The following CEMIP variants were observed in gnomAD, a reference collection of about 807,000 sequenced individuals.
CEMIP encodes cell migration-inducing and hyaluronan-binding protein.
Under a neutral mutation model 156.9 loss-of-function variants are expected in CEMIP, and 105 were observed. The ratio of observed to expected loss-of-function variants is 0.67; its 90% confidence interval spans 0.57 to 0.79. The LOEUF (loss-of-function observed/expected upper bound fraction) is 0.79, where lower values mean the gene tolerates loss of function less well. Among genes scored for constraint, CEMIP ranks in the 30% least tolerant of loss-of-function variants. The pLI is 0.00. For synonymous variants in CEMIP, 676 were observed against 668.4 expected (o/e 1.01, Z -0.17); for missense variants, 1,457 against 1,769.4 (o/e 0.82, Z 3.17).
intron 1 of CEMIP, among the ~76,000 whole-genome samples, chr15:80,809,077 TC>T (rs1209701858): frequency 6.6e-6 from 1 of 152,226 alleles, no homozygotes; most frequent in Non-Finnish European, 1.5e-5. Context: ...TCATATAATG[TC>T]CGTGAAAATA....
chr15:80,882,553 A>G (rs1898697959), intron 6 of CEMIP, among the ~76,000 whole-genome samples: 1 of 152,218 alleles, frequency 6.6e-6, no homozygotes, highest in Non-Finnish European at 1.5e-5. Flanking sequence ...TTTCTTAAGT[A>G]CAACAGTGTT....
intron 25 of CEMIP, among the ~76,000 whole-genome samples, chr15:80,939,093 G>T (rs1403414342): frequency 6.6e-6 from 1 of 152,216 alleles, no homozygotes; most frequent in Non-Finnish European, 1.5e-5. Context: ...GGGCAGACAA[G>T]CTGGCAGGGG....
intron 1 of CEMIP, among the ~76,000 whole-genome samples, chr15:80,840,875 T>C (rs1488634009): frequency 6.6e-6 from 1 of 152,188 alleles, no homozygotes. Flanking sequence ...TAGGCAGGCT[T>C]GGAGGCTGTC....
intron 23 of CEMIP, among the ~76,000 whole-genome samples, 165 bp downstream of exon 23, chr15:80,933,625 AT>A (rs1901012088): frequency 6.6e-6 from 1 of 151,522 alleles, no homozygotes; most frequent in Non-Finnish European, 1.5e-5. Context: ...ACCCAGTAGG[AT>A]TTTTACAAAG....
Position 80,810,364 on chromosome 15 carries a change from T to TTTTG in CEMIP, c.-176+30766_-176+30769dup, listed in dbSNP as rs201174805. 8.5e-3 allele frequency among the ~76,000 whole-genome samples: 1,294 copies of TTTTG among 152,220 alleles called. 18 individuals are homozygous for TTTTG. Among genetic ancestry groups the TTTTG allele is most frequent in the African/African-American group, 0.029 (1,198 of 41,540 alleles). ...TTTCTTTTTTGAGTCACCTGTGTTT[T>TTTTG]TTTGTTTGTTTGTTTGTTTTTGAGA... On this transcript the variant is annotated intron_variant, in intron 1 of 29. Coordinates refer to ENST00000394685, the MANE Select transcript of CEMIP (RefSeq NM_001293298.2).
chr15:80,922,465 A>G (rs1198897931), intron 17 of CEMIP, among the ~76,000 whole-genome samples: 2 of 152,218 alleles, frequency 1.3e-5, no homozygotes, highest in Admixed American at 6.5e-5. Context: ...TTGGTTTGCA[A>G]TTCACTTGGC....
At chr15:80,831,938 G>A (rs906431) in intron 1 of CEMIP, among the ~76,000 whole-genome samples, 152,182 of 152,374 alleles carry the variant, frequency 1, 75,997 homozygotes, top group Non-Finnish European at 1. Flanking sequence ...GGAAAGGTGG[G>A]TTTCCAAAAG....
chr15:80,811,942 G>A (rs1167072048), intron 1 of CEMIP, among the ~76,000 whole-genome samples: 1 of 152,086 alleles, frequency 6.6e-6, no homozygotes, highest in Non-Finnish European at 1.5e-5. Context: ...GAGAATTTAC[G>A]TCATTGTGCC....
chr15:80,881,887 C>T (rs1339265709), intron 6 of CEMIP, among the ~76,000 whole-genome samples: 6 of 152,184 alleles, frequency 3.9e-5, no homozygotes, highest in Non-Finnish European at 4.4e-5. Context: ...GAAGGAACGG[C>T]GGCTAGTGGA....
intron 15 of CEMIP, 50 bp from the exon 16 acceptor site, chr15:80,920,982 A>ACC (rs779859086): frequency 6.6e-7 from 1 of 1,508,644 alleles, no homozygotes; most frequent in Non-Finnish European, 9.2e-7. Flanking sequence ...TGGCAGGATG[A>ACC]CCCCTGGCGG....
intron 1 of CEMIP, among the ~76,000 whole-genome samples, chr15:80,844,790 C>T (rs1203817098): frequency 3.3e-5 from 5 of 152,128 alleles, no homozygotes; most frequent in Non-Finnish European, 7.3e-5. Flanking sequence ...AGAAACACAG[C>T]GAAGATTGGG....
intron 1 of CEMIP, among the ~76,000 whole-genome samples, chr15:80,837,792 G>A (rs756720475): frequency 3.3e-4 from 51 of 152,288 alleles, no homozygotes; most frequent in Non-Finnish European, 5.7e-4. Flanking sequence ...AAGTTGCCCC[G>A]CTGAGCTCAT....
chr15:80,899,494 C>T (rs1899376614), intron 12 of CEMIP, among the ~76,000 whole-genome samples: 2 of 151,994 alleles, frequency 1.3e-5, no homozygotes, highest in African/African-American at 2.4e-5. Context: ...GTGAGTCTTC[C>T]CAGAGGAATG....
intron 13 of CEMIP, among the ~76,000 whole-genome samples, chr15:80,907,334 G>A (rs1047431093): frequency 5.3e-5 from 8 of 152,212 alleles, no homozygotes; most frequent in South Asian, 2.1e-4. Context: ...GAGCCAAGGC[G>A]GGTGGATCAC....
rs1457215926 is a variant in CEMIP at position 80,909,325 on chromosome 15, C to T, written c.1797+19C>T. The stretch of plus-strand genomic sequence containing the variant: ...CTTGTTGGTAAGAACCTCCTTCCCT[C>T]AGGGAACTCTGGGGATGGGCCATGG... On this transcript the variant is annotated intron_variant, in intron 14 of 29. Transcript: ENST00000394685. 2.5e-6 allele frequency: 4 copies of T among 1,611,520 alleles called. No individual in the cohort carries two copies. The highest frequency in any genetic ancestry group is 2.2e-5 in the East Asian group (1 of 44,828).
Position 80,906,717 on chromosome 15 carries a change from C to T in CEMIP, c.1466C>T (p.Ala489Val), listed in dbSNP as rs757774200. 7.4e-6 allele frequency: 12 copies of T among 1,614,004 alleles called. No homozygotes were observed. Among genetic ancestry groups the T allele is most frequent in the African/African-American group, 2.7e-5 (2 of 74,910 alleles). The change falls in exon 13 of 30, where the codon GCG becomes GTG. Residue 489 changes from alanine to valine, a missense_variant. Around this residue, in one of 5 missense-constraint regions of CEMIP, gnomAD observed 280 missense variants for 300.3 expected, o/e 0.93. Transcript: ENST00000394685. This position sits in a 1 kb window ranked among gnomAD's most constrained non-coding sequence, Gnocchi z 4.3. ...GEEIDGVDMRAEVGLLSRNII... is the reference protein window; with the variant it reads ...GEEIDGVDMRVEVGLLSRNII... ...GAGATAGACGGCGTGGACATGCGGGCGGAGGTTGGGCTTCTGAGCCGGAAC... is the reference window on the plus strand; with the variant it reads ...GAGATAGACGGCGTGGACATGCGGGTGGAGGTTGGGCTTCTGAGCCGGAAC...
chr15:80,829,216 C>T (rs1897102440), intron 1 of CEMIP, among the ~76,000 whole-genome samples: 1 of 152,312 alleles, frequency 6.6e-6, no homozygotes, highest in South Asian at 2.1e-4. Flanking sequence ...CCCTGGCCTT[C>T]CTCAGGACTT....
intron 1 of CEMIP, among the ~76,000 whole-genome samples, chr15:80,808,345 G>T (rs938458822): frequency 7.2e-5 from 11 of 152,134 alleles, no homozygotes; most frequent in Non-Finnish European, 5.9e-5. Flanking sequence ...TACATACAGC[G>T]CATCTGCCCC....
At chr15:80,790,072 C>G (rs1375504771) in intron 1 of CEMIP, among the ~76,000 whole-genome samples, 1 of 152,126 alleles carries the variant, frequency 6.6e-6, no homozygotes, top group African/African-American at 2.4e-5. Flanking sequence ...TCTGTGGTTT[C>G]CCTCAGTGGA....
Sources: allele counts gnomAD v4.1 joint callset (sites outside exome capture counted in the v4.1 genomes callset), GRCh38; gene constraint gnomAD v4.1.1; regional missense constraint gnomAD v4.1.1; non-coding constraint Gnocchi (gnomAD v3.1); transcripts MANE v1.5; gene names NCBI Gene and HGNC (gene_info 2026-07-23, HGNC 2026-07-21).